GOSR2: variants seen among roughly 807,000 people sequenced by gnomAD.
GOSR2 encodes the protein golgi SNAP receptor complex member 2.
Under a neutral mutation model 27.9 loss-of-function variants are expected in GOSR2, and 20 were observed. The observed-to-expected ratio is 0.72, with a 90% CI of 0.50 to 1.04. GOSR2 has a LOEUF of 1.04. GOSR2 is among the 50% of genes least tolerant of loss of function. The pLI is 0.00. For missense variants in GOSR2, 261 were observed against 270.5 expected (o/e 0.97, Z 0.25); for synonymous variants, 91 against 98.8 (o/e 0.92, Z 0.47).
chr17:46,930,192 C>T (rs1444651812), intron 2 of GOSR2: 2 of 153,076 alleles, frequency 1.3e-5, no homozygotes, highest in Non-Finnish European at 2.9e-5. Flanking sequence ...CCTTTCGCAG[C>T]TTCAAAAGCA....
At chr17:46,948,255 G>C (rs1411767678) in intron 6 of GOSR2, among the ~76,000 whole-genome samples, 2 of 152,200 alleles carry the variant, frequency 1.3e-5, no homozygotes, top group African/African-American at 4.8e-5. Flanking sequence ...TGTGGCCAGT[G>C]CATACTGCCA....
chr17:46,935,337 AGCCTGAAAGT>A lies in GOSR2; in HGVS notation c.477+169_477+178del, dbSNP rs2088133774. The A allele has an allele frequency of 2.0e-6, 3 of 1,481,246 alleles. No homozygotes were observed. In the South Asian group the frequency reaches 4.2e-5, roughly 21 times the overall value. The allele number at this position is 1,481,246 out of a possible 1,614,324, so 91.8% of individuals were successfully genotyped here. On this transcript the variant is annotated intron_variant, in intron 5 of 5. Coordinates refer to ENST00000640051, the MANE Select transcript of GOSR2 (RefSeq NM_004287.5). ...TTTCTGTTGGAGTTGAGTTATTGTG[AGCCTGAAAGT>A]ACCCAGTTCCTTTGCCAGTGCTTGA...
chr17:46,967,727 A>G (rs2091349844), downstream of GOSR2, among the ~76,000 whole-genome samples: 1 of 141,480 alleles, frequency 7.1e-6, no homozygotes, highest in African/African-American at 2.9e-5. Context: ...ACAGTTCTGT[A>G]GACAACAGAG....
At chr17:46,929,832 C>T (rs1021746733) in intron 2 of GOSR2, 20 of 494,004 alleles carry the variant, frequency 4.0e-5, no homozygotes, top group South Asian at 2.6e-4. Flanking sequence ...GGAATGGAAG[C>T]GCTTGCCTCC....
chr17:46,965,796 TA>T (rs2091290845), intron 6 of GOSR2, among the ~76,000 whole-genome samples: 1 of 147,348 alleles, frequency 6.8e-6, no homozygotes, highest in Non-Finnish European at 1.5e-5. Context: ...CTAATTTTTG[TA>T]TTTTTTTTTT....
chr17:46,962,803 T>TCA (rs2091139665), intron 6 of GOSR2, among the ~76,000 whole-genome samples: 1 of 152,214 alleles, frequency 6.6e-6, no homozygotes, highest in East Asian at 1.9e-4. Flanking sequence ...TCATGAAAGA[T>TCA]AATGAAGTGG....
chr17:46,927,800 T>C (rs2086710806), intron 1 of GOSR2, among the ~76,000 whole-genome samples: 1 of 152,156 alleles, frequency 6.6e-6, no homozygotes, highest in African/African-American at 2.4e-5. Flanking sequence ...GGACAAGTCA[T>C]TCCTCCCCCT....
At chr17:46,945,644 G>T (rs984880918), downstream of GOSR2, among the ~76,000 whole-genome samples, 1 of 152,100 alleles carries the variant, frequency 6.6e-6, no homozygotes, top group Non-Finnish European at 1.5e-5. Context: ...TTTCCAGCCC[G>T]AGCAACAGGA....
chr17:46,973,832 G>A (rs956461138), intron 6 of GOSR2, among the ~76,000 whole-genome samples: 5 of 152,232 alleles, frequency 3.3e-5, no homozygotes, highest in South Asian at 2.1e-4. Flanking sequence ...ATGTGTACAC[G>A]TATACCTTTC....
rs2089062180 is a variant in GOSR2, at chr17:46,940,207, A to G, written c.*1447A>G. On this transcript the variant is annotated 3_prime_UTR_variant, in exon 6 of 6. Coordinates refer to ENST00000640051, the MANE Select transcript of GOSR2 (RefSeq NM_004287.5). ...AGCTCCCCTTTGGTAAGTTTTCTTA[A>G]TTGTCATAGATTAACTGAGTTTCCT... is the stretch of plus-strand genomic sequence containing the variant. The G allele has an allele frequency of 7.1e-7, 1 of 1,400,136 alleles. No homozygotes were observed. Among genetic ancestry groups the G allele is most frequent in the East Asian group, 2.6e-5 (1 of 38,422 alleles). The allele number at this position is 1,400,136 out of a possible 1,614,324, so 86.7% of individuals were successfully genotyped here.
At chr17:46,936,468 C>T in intron 5 of GOSR2, 1 of 985,372 alleles carries the variant, frequency 1.0e-6, no homozygotes, top group Non-Finnish European at 1.2e-6. Context: ...TCTAACTTTC[C>T]TCTGCACACC....
At chr17:46,943,108 G>A (rs542043501), downstream of GOSR2, among the ~76,000 whole-genome samples, 97 of 152,314 alleles carry the variant, frequency 6.4e-4, no homozygotes, top group African/African-American at 2.1e-3. Context: ...GGGGTAGGGA[G>A]CCGATGGCTC....
At chr17:46,970,418 G>A (rs886126510), downstream of GOSR2, among the ~76,000 whole-genome samples, 2 of 150,448 alleles carry the variant, frequency 1.3e-5, no homozygotes, top group African/African-American at 2.4e-5. Flanking sequence ...GTGGACACCT[G>A]TTATCCCAGC....
downstream of GOSR2, among the ~76,000 whole-genome samples, chr17:46,943,501 A>G (rs994836113): frequency 7.2e-5 from 11 of 152,146 alleles, no homozygotes; most frequent in Admixed American, 6.5e-5. Context: ...CCACAATCCC[A>G]TGAAACCTCC....
intron 6 of GOSR2, among the ~76,000 whole-genome samples, chr17:46,965,628 T>TTTG (rs10693310): frequency 0.51 from 77,750 of 151,762 alleles, 19,776 homozygotes; most frequent in East Asian, 0.55. Context: ...ATGCCTTCTC[T>TTTG]TTCTTTTTTT....
At position 46,941,664 on chromosome 17, in the gene GOSR2, C is replaced by T. The variant is rs1348995095; in HGVS notation, c.*2904C>T. ...TCTTGGCTCACTGCATCCTCTGCCTCCTGGGTTCAGGTGATCCTCATACCT... is the reference window on the plus strand; with the variant it reads ...TCTTGGCTCACTGCATCCTCTGCCTTCTGGGTTCAGGTGATCCTCATACCT... On this transcript the variant is annotated 3_prime_UTR_variant, in exon 6 of 6. Coordinates refer to ENST00000640051, the MANE Select transcript of GOSR2 (RefSeq NM_004287.5). 1 of 161,036 alleles carries T rather than the reference C, an allele frequency of 6.2e-6. No individual in the cohort carries two copies. Among genetic ancestry groups the T allele is most frequent in the Non-Finnish European group, 1.3e-5 (1 of 76,168 alleles). The allele number at this position is 161,036 out of a possible 1,614,324, so 10.0% of individuals were successfully genotyped here. A position where few individuals can be genotyped will look rare whatever the true frequency, so the allele number is the denominator to read the frequency against.
At position 46,940,317 on chromosome 17, in the gene GOSR2, A is replaced by T; in HGVS notation, c.*1557A>T. The T allele has an allele frequency of 6.9e-7, 1 of 1,444,868 alleles. No homozygotes were observed. The highest frequency in any genetic ancestry group is 9.1e-7 in the Non-Finnish European group (1 of 1,102,860). 89.5% of individuals were successfully genotyped at this position (1,444,868 alleles called of 1,614,324 possible). On this transcript the variant is annotated 3_prime_UTR_variant, in exon 6 of 6. Coordinates refer to ENST00000640051, the MANE Select transcript of GOSR2 (RefSeq NM_004287.5). Reference sequence around the variant, plus strand: ...CAAATGGGCCCCAGGTTTCCAAGGAAGGAGCAATCTGTGACTCCTAAAATG... The same window carrying T: ...CAAATGGGCCCCAGGTTTCCAAGGATGGAGCAATCTGTGACTCCTAAAATG...
chr17:46,938,321 T>C (rs778012483), intron 5 of GOSR2, among the ~76,000 whole-genome samples: 2 of 152,238 alleles, frequency 1.3e-5, no homozygotes, highest in African/African-American at 2.4e-5. Flanking sequence ...GAGAGATACA[T>C]ATATATAAAA....
Position 46,940,539 on chromosome 17 carries a change from C to T in GOSR2, c.*1779C>T, listed in dbSNP as rs747267756. The T allele has an allele frequency of 6.2e-7, 1 of 1,613,976 alleles. No homozygotes were observed. Among genetic ancestry groups the T allele is most frequent in the East Asian group, 2.2e-5 (1 of 44,896 alleles). ...GGATTCTGAGACTGCGACGGCAAGGCTGTCCTGTCCCCCAGGCACCCAAGG... is the reference window on the plus strand; with the variant it reads ...GGATTCTGAGACTGCGACGGCAAGGTTGTCCTGTCCCCCAGGCACCCAAGG... On this transcript the variant is annotated 3_prime_UTR_variant, in exon 6 of 6. Coordinates refer to ENST00000640051, the MANE Select transcript of GOSR2 (RefSeq NM_004287.5).
Sources: gnomAD v4.1 joint callset for allele counts (sites outside exome capture counted in the v4.1 genomes callset) on GRCh38, gnomAD v4.1.1 for gene constraint, MANE v1.5 for transcripts, NCBI Gene and HGNC (gene_info 2026-07-23, HGNC 2026-07-21) for gene names.